The following TMCC3 variants were observed in gnomAD, a reference collection of about 807,000 sequenced individuals.
TMCC3 encodes the protein transmembrane and coiled-coil domain family 3, also known as transmembrane and coiled-coil domain protein 3.
In TMCC3, 28 loss-of-function variants were observed where a neutral mutation model predicts 40.2. That is an observed-to-expected ratio of 0.70 (90% CI 0.52 to 0.95). The LOEUF is 0.95. TMCC3 is among the 40% of genes least tolerant of loss of function. The pLI, the probability that TMCC3 is intolerant of heterozygous loss-of-function variation, is 0.00. For synonymous variants in TMCC3, 255 were observed against 248.5 expected, an observed-to-expected ratio of 1.03 and a Z score of -0.25; for missense variants, 554 against 615.2, an observed-to-expected ratio of 0.90 and a Z score of 1.05.
chr12:94,571,111 C>T lies in TMCC3; in HGVS notation c.*324G>A, dbSNP rs1038059479. ...TCTGACAGAGACTTAGGAGAGAGAC[C>T]TCTTTCTTCAGGATCACCAATTATG... On this transcript the variant is annotated 3_prime_UTR_variant, in exon 4 of 4. Coordinates refer to ENST00000261226, the MANE Select transcript of TMCC3 (RefSeq NM_020698.4). The T allele has an allele frequency of 3.4e-5, 10 of 291,724 alleles. No homozygotes were observed. The highest frequency in any genetic ancestry group is 3.9e-5 in the Non-Finnish European group (6 of 155,214). The allele number at this position is 291,724 out of a possible 1,614,324, so 18.1% of individuals were successfully genotyped here.
At chr12:94,643,990 A>G (rs1042104914) in intron 1 of TMCC3, among the ~76,000 whole-genome samples, 3 of 152,250 alleles carry the variant, frequency 2.0e-5, no homozygotes, top group Non-Finnish European at 4.4e-5. Flanking sequence ...GAGATCATGT[A>G]TTTGAAGTGC....
intron 1 of TMCC3, among the ~76,000 whole-genome samples, chr12:94,634,519 A>G (rs544351966): frequency 6.6e-6 from 1 of 152,348 alleles, no homozygotes; most frequent in Non-Finnish European, 1.5e-5. Context: ...CTTTAAAAAT[A>G]AGAGCTTCAT....
chr12:94,644,518 G>T, intron 1 of TMCC3: 2 of 756,464 alleles, frequency 2.6e-6, no homozygotes, highest in Non-Finnish European at 3.2e-6. Context: ...GCTGGTGGTG[G>T]CCGGCAGTTC....
Position 94,650,126 on chromosome 12 carries a change from G to A in TMCC3, c.78+227C>T, listed in dbSNP as rs573797124. Among the ~76,000 whole-genome samples the A allele has an allele frequency of 8.5e-4, 130 of 152,222 alleles. 2 individuals carry two copies. The highest frequency in any genetic ancestry group is 2.9e-3 in the African/African-American group (119 of 41,560). ...CCGCATAGCGCGCGGGGACCTGGGC[G>A]CCGTGAGGGGCAGGCGGACCTGGGA... On this transcript the variant is annotated intron_variant, in intron 1 of 3. Transcript: ENST00000261226.
chr12:94,628,468 G>T (rs17022950), intron 1 of TMCC3, among the ~76,000 whole-genome samples: 2,904 of 152,262 alleles, frequency 0.019, 66 homozygotes, highest in East Asian at 0.11. Flanking sequence ...ACCAATGACA[G>T]GCACACGGGT....
At chr12:94,622,337 TCA>T (rs1453029574) in intron 1 of TMCC3, among the ~76,000 whole-genome samples, 2 of 152,126 alleles carry the variant, frequency 1.3e-5, no homozygotes, top group Non-Finnish European at 2.9e-5. Context: ...CCACACGATC[TCA>T]CAACATACAG....
At chr12:94,578,169 GAA>G (rs372442389) in intron 3 of TMCC3, among the ~76,000 whole-genome samples, 2 of 91,242 alleles carry the variant, frequency 2.2e-5, no homozygotes, top group African/African-American at 9.1e-5. Context: ...AAAAAAAAAA[GAA>G]AAAGAAAAAG....
intron 1 of TMCC3, among the ~76,000 whole-genome samples, chr12:94,620,195 T>C (rs1339803657): frequency 1.3e-5 from 2 of 151,858 alleles, no homozygotes; most frequent in South Asian, 2.1e-4. Flanking sequence ...TTATTATCAT[T>C]GCTATCTCTG....
intron 1 of TMCC3, among the ~76,000 whole-genome samples, chr12:94,600,240 GTTTTTT>G (rs530585319): frequency 1.5e-4 from 15 of 102,068 alleles, no homozygotes; most frequent in African/African-American, 5.2e-4. Context: ...CCAAATTCTG[GTTTTTT>G]TTTTTTTTTT....
At position 94,570,982 on chromosome 12, in the gene TMCC3, T is replaced by TCA; in HGVS notation, c.*452_*453insTG. The TCA allele has an allele frequency of 5.2e-6, 1 of 192,578 alleles. No homozygotes were observed. The highest frequency in any genetic ancestry group is 1.1e-5 in the Non-Finnish European group (1 of 92,432). 11.9% of individuals were successfully genotyped at this position (192,578 alleles called of 1,614,324 possible). On this transcript the variant is annotated 3_prime_UTR_variant, in exon 4 of 4. Coordinates refer to ENST00000261226, the MANE Select transcript of TMCC3 (RefSeq NM_020698.4). ...CACACGGGGACCATAGGCCACAGTG[T>TCA]TTAACACTGCCCAAGCCTGTGATTC...
At chr12:94,620,286 A>G (rs1309567285) in intron 1 of TMCC3, among the ~76,000 whole-genome samples, 1 of 148,890 alleles carries the variant, frequency 6.7e-6, no homozygotes, top group Non-Finnish European at 1.5e-5. Context: ...TTTTTTTTTA[A>G]TAATTATTAT....
chr12:94,633,684 T>C (rs1412310731), intron 1 of TMCC3, among the ~76,000 whole-genome samples: 1 of 152,204 alleles, frequency 6.6e-6, no homozygotes, highest in African/African-American at 2.4e-5. Context: ...AATCATAAAC[T>C]TAGGAAAATT....
At position 94,628,931 on chromosome 12, in the gene TMCC3, G is replaced by A. The variant is rs143430895; in HGVS notation, c.78+21422C>T. ...TGGCACTATAATTTCTTGAGTTTGC[G>A]TCATTCTGTTTTCTGTAGTTAGAAA... On this transcript the variant is annotated intron_variant, in intron 1 of 3. Coordinates refer to ENST00000261226, the MANE Select transcript of TMCC3 (RefSeq NM_020698.4). Among the ~76,000 whole-genome samples, 336 of 152,242 alleles carry A rather than the reference G, an allele frequency of 2.2e-3. 2 individuals are homozygous for A. Among genetic ancestry groups the A allele is most frequent in the Non-Finnish European group, 4.2e-3 (286 of 68,014 alleles).
intron 1 of TMCC3, among the ~76,000 whole-genome samples, chr12:94,628,881 C>G (rs948337892): frequency 2.8e-4 from 43 of 152,306 alleles, no homozygotes; most frequent in African/African-American, 9.9e-4. Context: ...TGCTTCCAAA[C>G]AGCAAATAAA....
chr12:94,640,048 G>C (rs965042873), intron 1 of TMCC3, among the ~76,000 whole-genome samples: 1 of 152,204 alleles, frequency 6.6e-6, no homozygotes, highest in Non-Finnish European at 1.5e-5. Context: ...TAAGACAAAA[G>C]CATTAAATAA....
chr12:94,575,693 TC>T (rs2068560032), intron 3 of TMCC3, among the ~76,000 whole-genome samples: 1 of 152,082 alleles, frequency 6.6e-6, no homozygotes. Flanking sequence ...ACCCAAACTA[TC>T]CCCTAAATAA....
intron 1 of TMCC3, among the ~76,000 whole-genome samples, chr12:94,602,387 C>T (rs2068758176): frequency 6.6e-6 from 1 of 152,168 alleles, no homozygotes; most frequent in African/African-American, 2.4e-5. Flanking sequence ...CTAGGAACAT[C>T]AAAAGTTTAA....
At position 94,582,099 on chromosome 12, in the gene TMCC3, T is replaced by C; in HGVS notation, c.518A>G (p.Lys173Arg). The change falls in exon 2 of 4, where the codon AAA (lysine) becomes AGA (arginine). Residue 173 changes from lysine to arginine, a missense_variant. Lys to Arg is a conservative substitution (Grantham distance 26). Coordinates refer to ENST00000261226, the MANE Select transcript of TMCC3 (RefSeq NM_020698.4). ...CATGCAATGGGGGGCAGTTCGAGAT[T>C]TCACGTGGGCATCTTTCAAAGAGCG... ...IHRSLKDAHV[K>R]SRTAPHCMES... 6.2e-7 allele frequency: 1 copy of C among 1,614,150 alleles called. No individual in the cohort carries two copies. Among genetic ancestry groups the C allele is most frequent in the Non-Finnish European group, 8.5e-7 (1 of 1,180,034 alleles).
chr12:94,628,717 G>A (rs950380117), intron 1 of TMCC3, among the ~76,000 whole-genome samples: 72 of 152,214 alleles, frequency 4.7e-4, no homozygotes, highest in Admixed American at 4.7e-3. Flanking sequence ...TCATCCTCAT[G>A]CTAAGTCCCT....
Sources: gnomAD v4.1 joint callset for allele counts (sites outside exome capture counted in the v4.1 genomes callset) on GRCh38, gnomAD v4.1.1 for gene constraint, MANE v1.5 for transcripts, NCBI Gene and HGNC (gene_info 2026-07-23, HGNC 2026-07-21) for gene names.